The following TTC27 variants were observed in gnomAD, a reference collection of about 807,000 sequenced individuals.
TTC27 encodes the protein tetratricopeptide repeat protein 27.
In TTC27, 79 loss-of-function variants were observed where a neutral mutation model predicts 115.9. The ratio of observed to expected loss-of-function variants is 0.68; its 90% CI spans 0.57 to 0.82. The LOEUF is 0.82. TTC27 is among the 40% of genes least tolerant of loss of function. TTC27 has a pLI of 0.00. For synonymous variants in TTC27, 401 were observed against 356.0 expected, an observed-to-expected ratio of 1.13 and a Z score of -1.42; for missense variants, 1,054 against 993.1, an observed-to-expected ratio of 1.06 and a Z score of -0.82.
At chr2:32,718,602 G>C (rs193072750) in intron 10 of TTC27, among the ~76,000 whole-genome samples, 2 of 152,054 alleles carry the variant, frequency 1.3e-5, no homozygotes, top group Non-Finnish European at 2.9e-5. Flanking sequence ...CTTTTTCATG[G>C]GTACTGCTTT....
At chr2:32,778,048 T>C in intron 14 of TTC27, 68 bp downstream of exon 14, 1 of 1,496,036 alleles carries the variant, frequency 6.7e-7, no homozygotes, top group Middle Eastern at 1.7e-4. Context: ...TTGTACTGTA[T>C]GGTTCAGAAC....
At chr2:32,730,213 A>T (rs1362020805) in intron 10 of TTC27, among the ~76,000 whole-genome samples, 1 of 152,204 alleles carries the variant, frequency 6.6e-6, no homozygotes, top group Non-Finnish European at 1.5e-5. Flanking sequence ...TTAATCAACA[A>T]ACCTTCTGAA....
chr2:32,810,082 T>G (rs569391811), intron 16 of TTC27, among the ~76,000 whole-genome samples: 1 of 139,520 alleles, frequency 7.2e-6, no homozygotes, highest in South Asian at 2.3e-4. Flanking sequence ...ACCACTGCAC[T>G]CCAGCCTGGG....
intron 13 of TTC27, among the ~76,000 whole-genome samples, chr2:32,770,121 A>G (rs1164345612): frequency 6.6e-6 from 1 of 152,224 alleles, no homozygotes; most frequent in East Asian, 1.9e-4. Flanking sequence ...CCAACCCTGC[A>G]GAGAGCAGTT....
intron 4 of TTC27, among the ~76,000 whole-genome samples, chr2:32,647,550 A>G (rs1286538980): frequency 6.6e-6 from 1 of 152,236 alleles, no homozygotes; most frequent in Non-Finnish European, 1.5e-5. Context: ...TGGAGTCAAA[A>G]TTCATTTGTG....
At chr2:32,702,707 C>G in intron 9 of TTC27, 100 bp from the exon 10 acceptor site, 1 of 769,954 alleles carries the variant, frequency 1.3e-6, no homozygotes, top group Non-Finnish European at 2.2e-6. Flanking sequence ...CTGTGTTTAA[C>G]TGTACCCTGA....
At chr2:32,791,829 C>T (rs1210428096) in intron 16 of TTC27, among the ~76,000 whole-genome samples, 4 of 152,136 alleles carry the variant, frequency 2.6e-5, no homozygotes, top group East Asian at 1.9e-4. Flanking sequence ...GAGCTATGAT[C>T]GTGCCACCAC....
intron 5 of TTC27, among the ~76,000 whole-genome samples, chr2:32,658,828 A>G (rs915636274): frequency 2.0e-5 from 3 of 152,192 alleles, no homozygotes; most frequent in Admixed American, 2.0e-4. Context: ...ATGCTGTTTT[A>G]CTAGGTTATT....
At position 32,667,703 on chromosome 2, in the gene TTC27, A is replaced by AC. The variant is rs1368778893; in HGVS notation, c.939+937dup. 6.8e-5 allele frequency among the ~76,000 whole-genome samples: 10 copies of AC among 146,898 alleles called. No homozygotes were observed. In the East Asian group the frequency reaches 2.3e-3, roughly 33 times the overall value. ...AGTGCTGGGATTACAGGCGTGAGCC[A>AC]CCACACCTGGCTGTGTTTGTTGTTT... On this transcript the variant is annotated intron_variant, in intron 7 of 19. Transcript: ENST00000317907.
chr2:32,714,145 G>A (rs937745738), intron 10 of TTC27, among the ~76,000 whole-genome samples: 45 of 146,018 alleles, frequency 3.1e-4, no homozygotes, highest in Admixed American at 1.8e-3. Flanking sequence ...TATATGCAGC[G>A]CACCCCCGCC....
chr2:32,697,381 G>A (rs912366885), intron 9 of TTC27, among the ~76,000 whole-genome samples: 1 of 152,106 alleles, frequency 6.6e-6, no homozygotes, highest in Admixed American at 6.5e-5. Context: ...GTCACAATTT[G>A]GGGTTTTCAA....
intron 4 of TTC27, among the ~76,000 whole-genome samples, chr2:32,645,882 A>G (rs1664835452): frequency 6.6e-6 from 1 of 150,958 alleles, no homozygotes. Flanking sequence ...AGGCCCGGCT[A>G]ATTTTTTTTG....
chr2:32,772,960 G>C (rs1669878924), intron 13 of TTC27, among the ~76,000 whole-genome samples: 1 of 152,292 alleles, frequency 6.6e-6, no homozygotes, highest in East Asian at 1.9e-4. Flanking sequence ...GGTCGTAACA[G>C]TTACTCAGAG....
Position 32,628,379 on chromosome 2 carries a change from A to G in TTC27, c.87A>G (p.Ser29=). ...GGAAACAGGAGGGGGTCGTCGGTTC[A>G]GGTGAGAGGCGCACCTACCGGGCCT... is the stretch of plus-strand genomic sequence containing the variant. ...QQWKQEGVVG[S]ESGSFLQLLL... is the part of the protein sequence containing the mutation. Residue 29 remains serine, a splice_region_variant and synonymous_variant, in exon 1 of 20, where the codon TCA becomes TCG. Coordinates refer to ENST00000317907, the MANE Select transcript of TTC27 (RefSeq NM_017735.5). 6.3e-7 allele frequency: 1 copy of G among 1,592,358 alleles called. No homozygotes were observed.
chr2:32,665,008 A>ATT (rs112002677), intron 6 of TTC27, among the ~76,000 whole-genome samples: 1 of 144,250 alleles, frequency 6.9e-6, no homozygotes, highest in African/African-American at 2.6e-5. Flanking sequence ...AATTTTTTTT[A>ATT]TTTTTTTTTT....
At chr2:32,714,449 C>T (rs954631000) in intron 10 of TTC27, among the ~76,000 whole-genome samples, 4 of 152,154 alleles carry the variant, frequency 2.6e-5, no homozygotes, top group African/African-American at 4.8e-5. Context: ...TGAGCCACTG[C>T]ACCTGGCCAG....
At chr2:32,631,942 C>G (rs1011498015) in intron 2 of TTC27, among the ~76,000 whole-genome samples, 3 of 151,558 alleles carry the variant, frequency 2.0e-5, no homozygotes, top group African/African-American at 7.3e-5. Context: ...TCCCATGTAG[C>G]TGGGATTACA....
At chr2:32,817,599 A>T (rs1468884171) in intron 19 of TTC27, 42 bp downstream of exon 19, 1 of 1,531,314 alleles carries the variant, frequency 6.5e-7, no homozygotes, top group Admixed American at 1.7e-5. Flanking sequence ...TCATATAGAA[A>T]AAGGTCATTA....
At chr2:32,714,160 C>CT (rs375992592) in intron 10 of TTC27, among the ~76,000 whole-genome samples, 1 of 149,352 alleles carries the variant, frequency 6.7e-6, no homozygotes, top group African/African-American at 2.4e-5. Context: ...CCCGCCCCCC[C>CT]GCCTTTTTTT....
Sources: allele counts gnomAD v4.1 joint callset (sites outside exome capture counted in the v4.1 genomes callset), GRCh38; gene constraint gnomAD v4.1.1; transcripts MANE v1.5; gene names NCBI Gene and HGNC (gene_info 2026-07-23, HGNC 2026-07-21).